The following PDK4 variants were observed in gnomAD, a reference collection of about 807,000 sequenced individuals.
PDK4 encodes the protein pyruvate dehydrogenase kinase, isozyme 4.
Under a neutral mutation model 51.7 loss-of-function variants are expected in PDK4, and 43 were observed. The ratio of observed to expected loss-of-function variants is 0.83; its 90% CI spans 0.65 to 1.07. PDK4 has a LOEUF of 1.07. Among genes scored for constraint, PDK4 ranks in the 50% least tolerant of loss-of-function variants. The probability of loss-of-function intolerance (pLI) is 0.00; values close to 1 mark genes in which losing one functional copy is unlikely to be tolerated. For missense variants in PDK4, 498 were observed against 503.5 expected (o/e 0.99, Z 0.10); for synonymous variants, 170 against 176.6 (o/e 0.96, Z 0.30).
At chr7:95,589,860 TA>T in intron 6 of PDK4, 144 bp from the exon 7 acceptor site, 1 of 600,596 alleles carries the variant, frequency 1.7e-6, no homozygotes, top group South Asian at 2.2e-5. Context: ...CCTAGAAACT[TA>T]CCACTTAAAC....
chr7:95,592,590 T>C lies in PDK4; in HGVS notation c.537A>G (p.Ile179Met), dbSNP rs1197908515. The change falls in exon 5 of 11, where the codon ATA becomes ATG. Residue 179 changes from isoleucine to methionine, a missense_variant. Transcript: ENST00000005178. ...TRMLMNQHIL[I>M]FSDSQTGNPS... ...GGTTTCCTGTCTGTGAGTCACTAAATATAAGAACTGTTGAAAAATAAAAAC... is the reference window on the plus strand; with the variant it reads ...GGTTTCCTGTCTGTGAGTCACTAAACATAAGAACTGTTGAAAAATAAAAAC... 3 of 1,600,194 alleles carry C rather than the reference T, an allele frequency of 1.9e-6. No homozygotes were observed. The highest frequency in any genetic ancestry group is 1.7e-6 in the Non-Finnish European group (2 of 1,167,540).
chr7:95,585,887 T>C (rs574832215), intron 10 of PDK4, 106 bp from the exon 11 acceptor site: 1 of 892,268 alleles, frequency 1.1e-6, no homozygotes, highest in Non-Finnish European at 1.7e-6. Context: ...TATCCAAACA[T>C]TCAAATACAT....
At position 95,592,900 on chromosome 7, in the gene PDK4, AC is replaced by A. The variant is rs1316824564; in HGVS notation, c.388del (p.Val130Ter). On this transcript the variant is annotated frameshift_variant, in exon 4 of 11. Transcript: ENST00000005178. LOFTEE classifies it high-confidence loss of function. ...GATTCCTTGTGCCATTGTAGGGACTACATTATGGTGTCTATTTCGAACTTTG... is the reference window on the plus strand; with the variant it reads ...GATTCCTTGTGCCATTGTAGGGACTAATTATGGTGTCTATTTCGAACTTTG... Reference protein sequence around the residue: ...LIKVRNRHHNVVPTMAQGIIE... With the variant: ...LIKVRNRHHNXVPTMAQGIIE... The A allele has an allele frequency of 6.2e-7, 1 of 1,608,552 alleles. No homozygotes were observed. The highest frequency in any genetic ancestry group is 8.5e-7 in the Non-Finnish European group (1 of 1,176,820).
At chr7:95,596,086 C>T (rs1791615862) in intron 1 of PDK4, 78 bp downstream of exon 1, 2 of 1,439,764 alleles carry the variant, frequency 1.4e-6, no homozygotes, top group Admixed American at 2.4e-5. Context: ...TTGAGCCTAG[C>T]CCTCCCTCTA....
Position 95,584,027 on chromosome 7 carries a change from A to C in PDK4, c.*1614T>G, listed in dbSNP as rs1791447567. 6.6e-6 allele frequency: 1 copy of C among 152,198 alleles called. No individual in the cohort carries two copies. Among genetic ancestry groups the C allele is most frequent in the African/African-American group, 2.4e-5 (1 of 41,470 alleles). The allele number at this position is 152,198 out of a possible 1,614,324, so 9.4% of individuals were successfully genotyped here. On this transcript the variant is annotated 3_prime_UTR_variant, in exon 11 of 11. Coordinates refer to ENST00000005178, the MANE Select transcript of PDK4 (RefSeq NM_002612.4). ...ACCAGAAGCACCACAACACTAGGCC[A>C]CCATGAAATTACACACAAATGTCAA...
rs1303165200 is a variant in PDK4 at position 95,587,473 on chromosome 7, T to C, written c.926A>G (p.Tyr309Cys). The C allele has an allele frequency of 2.5e-6, 4 of 1,612,360 alleles. No individual in the cohort carries two copies. Among genetic ancestry groups the C allele is most frequent in the Admixed American group, 1.7e-5 (1 of 60,020 alleles). The stretch of plus-strand genomic sequence containing the variant: ...AGGCGTTGGTGCAGTGGAGTATGTA[T>C]AACTAAAGAGGCGGTCAATAATTCT... ...PLRIIDRLFS[Y>C]TYSTAPTPVM... The change falls in exon 9 of 11, where the codon TAT becomes TGT. Residue 309 changes from tyrosine (Y) to cysteine (C), a missense_variant. Physicochemically the swap from Tyr to Cys is radical, Grantham distance 194. Transcript: ENST00000005178.
Position 95,596,376 on chromosome 7 carries a change from G to T in PDK4, c.-83C>A, listed in dbSNP as rs1791622896. 6 of 1,425,216 alleles carry T rather than the reference G, an allele frequency of 4.2e-6. No homozygotes were observed. The highest frequency in any genetic ancestry group is 5.5e-6 in the Non-Finnish European group (6 of 1,086,750). 88.3% of individuals were successfully genotyped at this position (1,425,216 alleles called of 1,614,324 possible). A position where few individuals can be genotyped will look rare whatever the true frequency, so the allele number is the denominator to read the frequency against. On this transcript the variant is annotated 5_prime_UTR_variant, in exon 1 of 11. Coordinates refer to ENST00000005178, the MANE Select transcript of PDK4 (RefSeq NM_002612.4). ...CGGAGCAGAGCCTGGTTCCGAGGGG[G>T]CGCGGCGCGTCCGGGCGAGGACTGC...
intron 10 of PDK4, chr7:95,586,682 A>C: frequency 5.2e-6 from 1 of 193,358 alleles, no homozygotes; most frequent in Non-Finnish European, 1.1e-5. Flanking sequence ...AGTAAAATAA[A>C]AGCACAGCTA....
chr7:95,592,149 C>T, intron 5 of PDK4, 84 bp from the exon 6 acceptor site: 3 of 661,626 alleles, frequency 4.5e-6, no homozygotes, highest in Non-Finnish European at 7.7e-6. Flanking sequence ...TCTGTATTAC[C>T]CTAATCTAAA....
At chr7:95,586,867 C>T (rs574106359) in intron 10 of PDK4, 143 bp downstream of exon 10, 3 of 569,956 alleles carry the variant, frequency 5.3e-6, no homozygotes, top group East Asian at 5.6e-5. Flanking sequence ...TACACACACC[C>T]AGAAAGAGAA....
chr7:95,587,777 T>C lies in PDK4; in HGVS notation c.820A>G (p.Thr274Ala). 6.2e-7 allele frequency: 1 copy of C among 1,613,568 alleles called. No individual in the cohort carries two copies. Among genetic ancestry groups the C allele is most frequent in the African/African-American group, 1.3e-5 (1 of 75,014 alleles). ...AAGACAACAATAACCTCTATTGGTG[T>C]AAGGGAAGGCTGATTTTCCTGGTGT... ...VEHQENQPSLTPIEVIVVLGK... is the reference protein window; with the variant it reads ...VEHQENQPSLAPIEVIVVLGK... Residue 274 changes from threonine to alanine, a missense_variant, in exon 8 of 11, where the codon ACA becomes GCA. By Grantham distance (58) the Thr-to-Ala change is moderately conservative. Coordinates refer to ENST00000005178, the MANE Select transcript of PDK4 (RefSeq NM_002612.4).
rs775746034 is a variant in PDK4 at position 95,596,208 on chromosome 7, C to A, written c.86G>T (p.Arg29Leu). Reference protein sequence around the residue: ...LVPREVEHFSRYSPSPLSMKQ... With the variant: ...LVPREVEHFSLYSPSPLSMKQ... ...CATGGACAGCGGGGACGGGCTGTAG[C>A]GCGAGAAATGCTCCACCTCTCGGGG... The change falls in exon 1 of 11, where the codon CGC becomes CTC. Residue 29 changes from arginine (R) to leucine (L), a missense_variant. Coordinates refer to ENST00000005178, the MANE Select transcript of PDK4 (RefSeq NM_002612.4). 6.2e-7 allele frequency: 1 copy of A among 1,605,172 alleles called. No individual in the cohort carries two copies. Among genetic ancestry groups the A allele is most frequent in the African/African-American group, 1.4e-5 (1 of 73,640 alleles).
At chr7:95,593,266 T>C (rs956385732) in intron 3 of PDK4, among the ~76,000 whole-genome samples, 1 of 152,104 alleles carries the variant, frequency 6.6e-6, no homozygotes, top group Non-Finnish European at 1.5e-5. Flanking sequence ...ATTCTAGAGA[T>C]GACTCTAGAA....
In PDK4 at chr7:95,587,510, C is replaced by G; in HGVS notation, c.889G>C (p.Gly297Arg). The change falls in exon 9 of 11, where the codon GGT becomes CGT. Residue 297 changes from glycine to arginine, a missense_variant. By Grantham distance (125) the Gly-to-Arg change is moderately radical. Coordinates refer to ENST00000005178, the MANE Select transcript of PDK4 (RefSeq NM_002612.4). ...LTIKISDRGGGVPLRIIDRLF... is the reference protein window; with the variant it reads ...LTIKISDRGGRVPLRIIDRLF... ...CGGTCAATAATTCTCAGGGGAACAC[C>G]ACCTCCTCTGTCTGAAATCTAAAAC... 1 of 1,599,176 alleles carries G rather than the reference C, an allele frequency of 6.3e-7. No homozygotes were observed. The highest frequency in any genetic ancestry group is 2.2e-5 in the East Asian group (1 of 44,796).
rs191517131 is a variant in PDK4 at position 95,585,578 on chromosome 7, A to G, written c.*63T>C. ...AGGAAACAAGGGTTCACACACAAAC[A>G]TTCAGGAAGCAGCACTGGTGTAGAC... is the stretch of plus-strand genomic sequence containing the variant. On this transcript the variant is annotated 3_prime_UTR_variant, in exon 11 of 11. Transcript: ENST00000005178. 757 of 1,435,440 alleles carry G rather than the reference A, an allele frequency of 5.3e-4. 4 individuals carry two copies. The African/African-American group carries it at 6.9e-3, about 13-fold the overall frequency. 88.9% of individuals were successfully genotyped at this position (1,435,440 alleles called of 1,614,324 possible). A position where few individuals can be genotyped will look rare whatever the true frequency, so the allele number is the denominator to read the frequency against.
chr7:95,587,161 G>T, intron 9 of PDK4, 38 bp from the exon 10 acceptor site: 1 of 1,201,160 alleles, frequency 8.3e-7, no homozygotes, highest in Non-Finnish European at 1.2e-6. Context: ...AGAAGTGTAT[G>T]TGATCACTGA....
rs575081419 is a variant in PDK4 at position 95,591,941 on chromosome 7, A to G, written c.694+47T>C. The G allele has an allele frequency of 5.2e-6, 5 of 958,522 alleles. No individual in the cohort carries two copies. In the African/African-American group the frequency reaches 6.8e-5, roughly 13 times the overall value. 59.4% of individuals were successfully genotyped at this position (958,522 alleles called of 1,614,324 possible). On this transcript the variant is annotated intron_variant, in intron 6 of 10. Transcript: ENST00000005178. Reference sequence around the variant, plus strand: ...TTACAAAAAGCAATAATATTAGGAGAACACAGAATTTTCCACAGGTTAAAA... The same window carrying G: ...TTACAAAAAGCAATAATATTAGGAGGACACAGAATTTTCCACAGGTTAAAA...
intron 2 of PDK4, 188 bp downstream of exon 2, chr7:95,594,835 G>A (rs1385643378): frequency 5.3e-6 from 2 of 376,908 alleles, no homozygotes; most frequent in East Asian, 7.9e-5. Context: ...GGGTAAAAAT[G>A]TCTGTTTATA....
rs1160771058 is a variant in PDK4, at chr7:95,585,721, A to G, written c.1156T>C (p.Tyr386His). Reference sequence around the variant, plus strand: ...TCATCAGCCTCAGAGCTCATCTGATAATGTTTGAAGGCTGACTTGTTAAAA... The same window carrying G: ...TCATCAGCCTCAGAGCTCATCTGATGATGTTTGAAGGCTGACTTGTTAAAA... ...PVFNKSAFKH[Y>H]QMSSEADDWC... Residue 386 changes from tyrosine (Y) to histidine (H), a missense_variant, in exon 11 of 11, where the codon TAT (tyrosine) becomes CAT (histidine). Transcript: ENST00000005178. The G allele has an allele frequency of 1.9e-6, 3 of 1,610,046 alleles. No homozygotes were observed. The highest frequency in any genetic ancestry group is 2.5e-6 in the Non-Finnish European group (3 of 1,176,716).
Sources: gnomAD v4.1 joint callset for allele counts (sites outside exome capture counted in the v4.1 genomes callset) on GRCh38, gnomAD v4.1.1 for gene constraint, MANE v1.5 for transcripts, NCBI Gene and HGNC (gene_info 2026-07-23, HGNC 2026-07-21) for gene names.